SHISA9: variants seen among roughly 807,000 people sequenced by gnomAD.
SHISA9 encodes protein shisa-9.
SHISA9 carries 13 observed loss-of-function variants against 38.0 expected under a neutral mutation model. That is an observed-to-expected ratio of 0.34 (90% confidence interval 0.22 to 0.54). SHISA9 has a LOEUF of 0.54. Among genes scored for constraint, SHISA9 ranks in the 20% least tolerant of loss-of-function variants. SHISA9 has a pLI of 0.91. For missense variants in SHISA9, 538 were observed against 575.8 expected (o/e 0.93, Z 0.67); for synonymous variants, 275 against 242.0 (o/e 1.14, Z -1.27).
intron 2 of SHISA9, among the ~76,000 whole-genome samples, chr16:12,963,025 C>T (rs892846542): frequency 2.0e-4 from 30 of 152,216 alleles, no homozygotes; most frequent in African/African-American, 6.5e-4. Context: ...CCCAGTCCTC[C>T]AGCCTTCAGG....
At chr16:13,108,834 C>CG (rs2073950705) in intron 2 of SHISA9, among the ~76,000 whole-genome samples, 1 of 152,086 alleles carries the variant, frequency 6.6e-6, no homozygotes, top group Admixed American at 6.5e-5. Flanking sequence ...TTGTGAGCCC[C>CG]AAGTTGAGTA....
the SHISA9 span, chr16:13,562,921 C>T: frequency 2.0e-5 from 3 of 151,998 alleles, no homozygotes; most frequent in African/African-American, 4.8e-5. Context: ...AAAAAAAAAG[C>T]TGTAAACCAA....
At chr16:13,546,459 T>A in the SHISA9 span, among the ~76,000 whole-genome samples, 1 of 152,358 alleles carries the variant, frequency 6.6e-6, no homozygotes, top group South Asian at 2.1e-4. Flanking sequence ...ATCTCTCATA[T>A]TTGAAGAAGA....
intron 2 of SHISA9, among the ~76,000 whole-genome samples, chr16:13,103,784 A>T (rs2073901096): frequency 1.3e-5 from 2 of 152,134 alleles, no homozygotes; most frequent in South Asian, 4.1e-4. Context: ...TGTTGGCCTC[A>T]TTGTCAACGT....
At chr16:12,909,266 A>C in intron 1 of SHISA9, 1 of 984,056 alleles carries the variant, frequency 1.0e-6, no homozygotes, top group East Asian at 1.1e-4. Context: ...GTAAGTGTGT[A>C]GTTTGATGAG....
intron 2 of SHISA9, among the ~76,000 whole-genome samples, chr16:13,019,792 C>CTTTTCT (rs1333774766): frequency 7.4e-6 from 1 of 135,160 alleles, no homozygotes; most frequent in African/African-American, 2.8e-5. Flanking sequence ...TTCTTTCTTT[C>CTTTTCT]TTTCTTTCTT....
chr16:13,065,514 T>C (rs138874805), intron 2 of SHISA9, among the ~76,000 whole-genome samples: 189 of 152,344 alleles, frequency 1.2e-3, no homozygotes, highest in African/African-American at 4.4e-3. Flanking sequence ...ATTTAGCACT[T>C]GATATAAAAA....
intron 2 of SHISA9, among the ~76,000 whole-genome samples, chr16:13,149,005 C>CTG (rs2050473866): frequency 6.6e-6 from 1 of 152,102 alleles, no homozygotes; most frequent in Non-Finnish European, 1.5e-5. Flanking sequence ...GACGGAAGTG[C>CTG]AACACCCTTT....
intron 2 of SHISA9, among the ~76,000 whole-genome samples, chr16:13,136,485 A>G (rs563536327): frequency 7.9e-6 from 1 of 125,904 alleles, no homozygotes; most frequent in South Asian, 2.5e-4. Flanking sequence ...TGCAACCTCC[A>G]CCTCCCAGGT....
At chr16:13,304,463 G>T in the SHISA9 span, among the ~76,000 whole-genome samples, 2 of 152,182 alleles carry the variant, frequency 1.3e-5, no homozygotes, top group East Asian at 3.9e-4. Flanking sequence ...TTGCCGTGTT[G>T]CCCAGGCTGG....
intron 4 of SHISA9, among the ~76,000 whole-genome samples, chr16:13,217,446 A>G (rs1711595927): frequency 6.6e-6 from 1 of 152,188 alleles, no homozygotes; most frequent in African/African-American, 2.4e-5. Flanking sequence ...CAAGGCAATC[A>G]AATTAGGAGA....
chr16:13,196,732 T>G (rs1412516593), intron 2 of SHISA9, among the ~76,000 whole-genome samples: 6 of 152,348 alleles, frequency 3.9e-5, no homozygotes, highest in African/African-American at 1.2e-4. Flanking sequence ...ACAGGAACTC[T>G]CTGTACTATC....
chr16:13,143,851 G>A (rs977970569), intron 2 of SHISA9, among the ~76,000 whole-genome samples: 3 of 152,104 alleles, frequency 2.0e-5, no homozygotes, highest in Non-Finnish European at 2.9e-5. Flanking sequence ...ACTTTACATC[G>A]ACTGCTTATA....
At chr16:13,129,267 A>G (rs761667132) in intron 2 of SHISA9, among the ~76,000 whole-genome samples, 5 of 152,218 alleles carry the variant, frequency 3.3e-5, no homozygotes, top group Admixed American at 1.3e-4. Context: ...CAATGCATGT[A>G]TATAATTGAT....
the SHISA9 span, among the ~76,000 whole-genome samples, chr16:13,317,758 T>C: frequency 6.6e-6 from 1 of 152,170 alleles, no homozygotes; most frequent in Non-Finnish European, 1.5e-5. Flanking sequence ...ATCTGTCCCT[T>C]CATGTGTCAA....
chr16:13,228,000 G>T (rs1567257076), intron 4 of SHISA9, among the ~76,000 whole-genome samples: 1 of 152,200 alleles, frequency 6.6e-6, no homozygotes, highest in African/African-American at 2.4e-5. Context: ...TATAGGTATT[G>T]AGCATTTACT....
At chr16:12,952,476 A>T (rs78983551) in intron 2 of SHISA9, among the ~76,000 whole-genome samples, 2 of 152,272 alleles carry the variant, frequency 1.3e-5, no homozygotes, top group African/African-American at 4.8e-5. Flanking sequence ...TTTGTTCCTT[A>T]AAGTCAGAAT....
chr16:13,068,929 C>T (rs1289043545), intron 2 of SHISA9, among the ~76,000 whole-genome samples: 1 of 151,464 alleles, frequency 6.6e-6, no homozygotes, highest in Non-Finnish European at 1.5e-5. Context: ...TACGTGTGTA[C>T]ATGCAATGTG....
intron 2 of SHISA9, among the ~76,000 whole-genome samples, chr16:13,021,108 T>C (rs2141866001): frequency 6.6e-6 from 1 of 152,302 alleles, no homozygotes; most frequent in South Asian, 2.1e-4. Flanking sequence ...AGCTATATGG[T>C]CCTGCTGTCT....
Sources: allele counts gnomAD v4.1 joint callset (sites outside exome capture counted in the v4.1 genomes callset), GRCh38; gene constraint gnomAD v4.1.1; transcripts MANE v1.5; gene names NCBI Gene and HGNC (gene_info 2026-07-23, HGNC 2026-07-21).